The following PCSK5 variants were observed in gnomAD, a reference collection of about 807,000 sequenced individuals.
The protein encoded by PCSK5 is proprotein convertase subtilisin/kexin type 5, also known as prohormone convertase 5.
PCSK5 carries 129 observed loss-of-function variants against 233.2 expected under a neutral mutation model. The ratio of observed to expected loss-of-function variants is 0.55; its 90% CI spans 0.48 to 0.64. The LOEUF is 0.64. Ranked by LOEUF, PCSK5 falls within the 30% of genes least tolerant of loss-of-function variation. The pLI is 0.00. For missense variants in PCSK5, 2,076 were observed against 2,430.1 expected (o/e 0.85, Z 3.06); for synonymous variants, 825 against 879.2 (o/e 0.94, Z 1.09).
chr9:75,976,615 T>A (rs1826034118), intron 2 of PCSK5, among the ~76,000 whole-genome samples: 1 of 152,014 alleles, frequency 6.6e-6, no homozygotes, highest in African/African-American at 2.4e-5. Flanking sequence ...AAAAAAATTG[T>A]CCTTACAAGT....
At chr9:75,954,743 A>G (rs1825018184) in intron 2 of PCSK5, among the ~76,000 whole-genome samples, 1 of 152,166 alleles carries the variant, frequency 6.6e-6, no homozygotes, top group Non-Finnish European at 1.5e-5. Flanking sequence ...AAGCCAGCAC[A>G]CTGGGAGCAT....
chr9:75,944,722 C>T (rs1321933958), intron 2 of PCSK5, among the ~76,000 whole-genome samples: 2 of 152,132 alleles, frequency 1.3e-5, no homozygotes, highest in Non-Finnish European at 2.9e-5. Flanking sequence ...CTTTAAATCA[C>T]CATTATGCTG....
rs528315510 is a variant in PCSK5, at chr9:76,055,349, C to T, written c.633-12606C>T. Among the ~76,000 whole-genome samples, 189 of 152,114 alleles carry T rather than the reference C, an allele frequency of 1.2e-3. 2 individuals are homozygous for T. Among genetic ancestry groups the T allele is most frequent in the Non-Finnish European group, 1.5e-4 (10 of 67,980 alleles). ...CAAGTACTTCAGAAGTTATTATCATCGAGTCACAAAAACTGATCACCACAA... is the reference window on the plus strand; with the variant it reads ...CAAGTACTTCAGAAGTTATTATCATTGAGTCACAAAAACTGATCACCACAA... On this transcript the variant is annotated intron_variant, in intron 5 of 37. Coordinates refer to ENST00000674117, the MANE Select transcript of PCSK5 (RefSeq NM_001372043.1).
intron 1 of PCSK5, among the ~76,000 whole-genome samples, chr9:75,909,349 G>A (rs569061626): frequency 2.0e-5 from 3 of 151,660 alleles, no homozygotes; most frequent in South Asian, 2.1e-4. Context: ...TAGGATTTCT[G>A]TGTGGTTCAC....
chr9:76,356,080 C>T (rs1012038155), intron 37 of PCSK5, among the ~76,000 whole-genome samples: 4 of 152,190 alleles, frequency 2.6e-5, no homozygotes, highest in Non-Finnish European at 2.9e-5. Context: ...CCCACCCCCA[C>T]GAGCAGCTGG....
At chr9:75,993,950 T>A (rs1270259099) in intron 3 of PCSK5, among the ~76,000 whole-genome samples, 1 of 152,134 alleles carries the variant, frequency 6.6e-6, no homozygotes, top group Non-Finnish European at 1.5e-5. Context: ...AAAGCAGGTG[T>A]TCATAATAAA....
chr9:75,954,651 A>C (rs1825013663), intron 2 of PCSK5, among the ~76,000 whole-genome samples: 2 of 152,204 alleles, frequency 1.3e-5, no homozygotes, highest in African/African-American at 4.8e-5. Flanking sequence ...GAATTTGGCT[A>C]CATGGATCAA....
intron 35 of PCSK5, among the ~76,000 whole-genome samples, chr9:76,342,264 A>C (rs1356973048): frequency 7.9e-5 from 12 of 152,136 alleles, no homozygotes; most frequent in Admixed American, 7.9e-4. Flanking sequence ...TTGTACCCTA[A>C]ATTATTGCCC....
In PCSK5 at chr9:76,328,164, C is replaced by T. The variant is rs1201549833; in HGVS notation, c.4495C>T (p.His1499Tyr). 6.2e-7 allele frequency: 1 copy of T among 1,612,840 alleles called. No individual in the cohort carries two copies. Among genetic ancestry groups the T allele is most frequent in the South Asian group, 1.1e-5 (1 of 91,072 alleles). ...DEDAPGCKPC[H>Y]VKCFHCMGPA... ...GGATGCTCCCGGGTGCAAGCCCTGC[C>T]ATGTTAAGTGCTTCCACTGCATGGG... The change falls in exon 33 of 38, where the codon CAT becomes TAT. Residue 1499 changes from histidine (H) to tyrosine (Y), a missense_variant. By Grantham distance (83) the His-to-Tyr change is moderately conservative. Transcript: ENST00000674117.
Position 76,169,746 on chromosome 9 carries a change from C to T in PCSK5, c.1662C>T (p.Phe554=), listed in dbSNP as rs200431393. 2 of 1,613,202 alleles carry T rather than the reference C, an allele frequency of 1.2e-6. No homozygotes were observed. Among genetic ancestry groups the T allele is most frequent in the Non-Finnish European group, 1.7e-6 (2 of 1,179,212 alleles). The change falls in exon 13 of 38, where the codon TTC becomes TTT. Residue 554 remains phenylalanine (F), a synonymous_variant. Coordinates refer to ENST00000674117, the MANE Select transcript of PCSK5 (RefSeq NM_001372043.1). Reference sequence around the variant, plus strand: ...TGGAAGGATTCAAAAACTGGGAGTTCATGACCATTCATTGCTGGGGAGAAA... The same window carrying T: ...TGGAAGGATTCAAAAACTGGGAGTTTATGACCATTCATTGCTGGGGAGAAA... The part of the protein sequence containing the change: ...HSMEGFKNWE[F]MTIHCWGERA...
At chr9:76,001,685 A>G (rs1827268858) in intron 3 of PCSK5, among the ~76,000 whole-genome samples, 1 of 152,152 alleles carries the variant, frequency 6.6e-6, no homozygotes, top group African/African-American at 2.4e-5. Context: ...GTCTTGCACA[A>G]TAGTGTATAA....
intron 36 of PCSK5, among the ~76,000 whole-genome samples, chr9:76,351,534 A>G (rs1019633357): frequency 7.6e-6 from 1 of 131,290 alleles, no homozygotes; most frequent in African/African-American, 2.9e-5. Flanking sequence ...GAAAGAAAGG[A>G]AGGAAAGAAA....
At chr9:76,064,267 TG>T (rs1209185211) in intron 5 of PCSK5, among the ~76,000 whole-genome samples, 6 of 93,162 alleles carry the variant, frequency 6.4e-5, no homozygotes, top group South Asian at 4.8e-4. Context: ...ACGGGGTGGC[TG>T]GCCGGGCTAA....
Position 75,890,928 on chromosome 9 carries a change from A to T in PCSK5, c.-254A>T. The T allele has an allele frequency of 2.7e-6, 1 of 372,544 alleles. No individual in the cohort carries two copies. Among genetic ancestry groups the T allele is most frequent in the Non-Finnish European group, 4.8e-6 (1 of 209,430 alleles). 23.1% of individuals were successfully genotyped at this position (372,544 alleles called of 1,614,324 possible). On this transcript the variant is annotated 5_prime_UTR_variant, in exon 1 of 38. Coordinates refer to ENST00000674117, the MANE Select transcript of PCSK5 (RefSeq NM_001372043.1). ...TCCTCCTGCGTCCGAGCCGGGGAGC[A>T]TCGCCGAGCGCCCCACGGGCCGGAG...
intron 2 of PCSK5, among the ~76,000 whole-genome samples, chr9:75,962,814 GTGC>G (rs976483576): frequency 1.3e-5 from 2 of 152,198 alleles, no homozygotes; most frequent in Non-Finnish European, 2.9e-5. Flanking sequence ...ACCCACAGAA[GTGC>G]TGAGTGGCAG....
chr9:75,905,438 G>C (rs550238455), intron 1 of PCSK5, among the ~76,000 whole-genome samples: 2 of 152,344 alleles, frequency 1.3e-5, no homozygotes, highest in East Asian at 3.9e-4. Flanking sequence ...GAGGGCTTGA[G>C]CCCAAGAATT....
chr9:76,292,333 C>T (rs1402733993), intron 25 of PCSK5, 58 bp downstream of exon 25: 2 of 1,057,254 alleles, frequency 1.9e-6, no homozygotes, highest in African/African-American at 3.1e-5. Flanking sequence ...GCATTACTGA[C>T]ATAATCCTCA....
chr9:76,254,999 C>T (rs756260821), intron 24 of PCSK5, among the ~76,000 whole-genome samples: 39 of 152,218 alleles, frequency 2.6e-4, no homozygotes, highest in Admixed American at 3.9e-4. Context: ...TTTTTTAAAA[C>T]GCCCTGGCCA....
intron 20 of PCSK5, chr9:76,194,820 A>AGCT: frequency 2.2e-6 from 1 of 449,008 alleles, no homozygotes; most frequent in South Asian, 1.7e-5. Flanking sequence ...TTGCTTTACA[A>AGCT]GTGACCAGCC....
Sources: allele counts gnomAD v4.1 joint callset (sites outside exome capture counted in the v4.1 genomes callset), GRCh38; gene constraint gnomAD v4.1.1; transcripts MANE v1.5; gene names NCBI Gene and HGNC (gene_info 2026-07-23, HGNC 2026-07-21).